The following SLC29A3 variants were observed in gnomAD, a reference collection of about 807,000 sequenced individuals.
SLC29A3 encodes the protein equilibrative nucleoside transporter 3.
SLC29A3 carries 18 observed loss-of-function variants against 25.4 expected under a neutral mutation model. That is an observed-to-expected ratio of 0.71 (90% confidence interval 0.49 to 1.05). The LOEUF (loss-of-function observed/expected upper bound fraction) is 1.05, where lower values mean the gene tolerates loss of function less well. Ranked by LOEUF, SLC29A3 falls within the 50% of genes least tolerant of loss-of-function variation. SLC29A3 has a pLI of 0.00. For synonymous variants in SLC29A3, 258 were observed against 267.1 expected, an observed-to-expected ratio of 0.97 and a Z score of 0.33; for missense variants, 586 against 609.0, an observed-to-expected ratio of 0.96 and a Z score of 0.40.
intron 2 of SLC29A3, among the ~76,000 whole-genome samples, chr10:71,338,217 A>G (rs1846304313): frequency 6.6e-6 from 1 of 152,198 alleles, no homozygotes. Flanking sequence ...AGCCTGCCCC[A>G]TGCTGCCCAC....
chr10:71,351,631 ACTGGTGAAGGTGGACACTTCCTC>A lies in SLC29A3; in HGVS notation c.458_480del (p.Val153AspfsTer65). On this transcript the variant is annotated frameshift_variant, in exon 4 of 6. Transcript: ENST00000373189. LOFTEE classifies it high-confidence loss of function. ...TGGCCATCTTCATGGTGATAACTGCACTGGTGAAGGTGGACACTTCCTCCTGGACCCGTGGCTTTTTTGCGGTC... is the reference window on the plus strand; with the variant it reads ...TGGCCATCTTCATGGTGATAACTGCACTGGACCCGTGGCTTTTTTGCGGTC... 6.2e-7 allele frequency: 1 copy of A among 1,614,160 alleles called. No homozygotes were observed.
At chr10:71,331,079 C>T (rs1485191357) in intron 2 of SLC29A3, among the ~76,000 whole-genome samples, 1 of 152,110 alleles carries the variant, frequency 6.6e-6, no homozygotes, top group African/African-American at 2.4e-5. Context: ...GCTGTCTCAC[C>T]TGGCAAGATA....
chr10:71,320,198 C>G (rs1376066226), intron 1 of SLC29A3, among the ~76,000 whole-genome samples: 4 of 152,310 alleles, frequency 2.6e-5, no homozygotes, highest in African/African-American at 9.6e-5. Flanking sequence ...TCCTGAGTGA[C>G]AGGGCTGGTG....
At chr10:71,356,874 T>C (rs1846927739) in intron 5 of SLC29A3, among the ~76,000 whole-genome samples, 1 of 152,176 alleles carries the variant, frequency 6.6e-6, no homozygotes, top group African/African-American at 2.4e-5. Context: ...CCTGTTCCTC[T>C]TAGAGTACAG....
intron 2 of SLC29A3, among the ~76,000 whole-genome samples, chr10:71,343,541 T>G (rs1846470929): frequency 6.6e-6 from 1 of 152,222 alleles, no homozygotes; most frequent in Non-Finnish European, 1.5e-5. Flanking sequence ...CTTCTGTAGC[T>G]GCTCTATCAA....
Position 71,362,798 on chromosome 10 carries a change from C to T in SLC29A3, c.*190C>T, listed in dbSNP as rs1489627449. ...GCCCATTCCGTGCAAGGCAGATATTCCAGTCATATTAACAGAACACTCCTG... is the reference window on the plus strand; with the variant it reads ...GCCCATTCCGTGCAAGGCAGATATTTCAGTCATATTAACAGAACACTCCTG... On this transcript the variant is annotated 3_prime_UTR_variant, in exon 6 of 6. Coordinates refer to ENST00000373189, the MANE Select transcript of SLC29A3 (RefSeq NM_018344.6). 1.4e-6 allele frequency: 1 copy of T among 738,540 alleles called. No individual in the cohort carries two copies. Among genetic ancestry groups the T allele is most frequent in the South Asian group, 1.5e-5 (1 of 67,510 alleles). 45.7% of individuals were successfully genotyped at this position (738,540 alleles called of 1,614,324 possible).
intron 2 of SLC29A3, among the ~76,000 whole-genome samples, chr10:71,336,220 A>T (rs1352939195): frequency 2.0e-5 from 3 of 151,834 alleles, no homozygotes; most frequent in Non-Finnish European, 4.4e-5. Flanking sequence ...TATACTGTGG[A>T]TTGAGGGGTC....
chr10:71,361,078 G>C (rs890890643), intron 5 of SLC29A3, among the ~76,000 whole-genome samples: 1 of 152,058 alleles, frequency 6.6e-6, no homozygotes, highest in Non-Finnish European at 1.5e-5. Flanking sequence ...AAATGTAACT[G>C]TGTGAGTGTT....
intron 2 of SLC29A3, among the ~76,000 whole-genome samples, chr10:71,333,105 G>A (rs550868245): frequency 6.6e-6 from 1 of 152,332 alleles, no homozygotes; most frequent in African/African-American, 2.4e-5. Flanking sequence ...TAACATGATT[G>A]ATATCACAAG....
chr10:71,327,307 C>T (rs1286006401), intron 2 of SLC29A3, among the ~76,000 whole-genome samples: 1 of 152,202 alleles, frequency 6.6e-6, no homozygotes. Context: ...CCTGCTCACT[C>T]TGCCCTCCTG....
intron 5 of SLC29A3, among the ~76,000 whole-genome samples, chr10:71,359,177 G>A (rs1207228095): frequency 6.6e-6 from 1 of 152,182 alleles, no homozygotes; most frequent in Non-Finnish European, 1.5e-5. Flanking sequence ...CCAAAGTGCT[G>A]GGATTGATTA....
intron 2 of SLC29A3, among the ~76,000 whole-genome samples, chr10:71,337,615 G>A (rs780278918): frequency 1.3e-5 from 2 of 152,204 alleles, no homozygotes; most frequent in African/African-American, 4.8e-5. Context: ...TCAGCAGCAC[G>A]GACACTGAGT....
At chr10:71,323,108 C>T in intron 2 of SLC29A3, 54 bp downstream of exon 2, 1 of 1,598,182 alleles carries the variant, frequency 6.3e-7, no homozygotes, top group Non-Finnish European at 8.6e-7. Context: ...GGCCTCATGC[C>T]TCACATGCAG....
intron 4 of SLC29A3, chr10:71,379,729 T>G (rs1020661738): frequency 1.3e-5 from 2 of 152,260 alleles, no homozygotes; most frequent in Non-Finnish European, 2.9e-5. Context: ...TTGAGATCTT[T>G]AAGCTAAATT....
chr10:71,376,417 T>C (rs2131860647), intron 4 of SLC29A3, among the ~76,000 whole-genome samples: 1 of 152,250 alleles, frequency 6.6e-6, no homozygotes, highest in South Asian at 2.1e-4. Flanking sequence ...CAAATCAAAT[T>C]CTTCCCTGAG....
chr10:71,337,438 C>T lies in SLC29A3; in HGVS notation c.301-6771C>T, dbSNP rs566113141. On this transcript the variant is annotated intron_variant, in intron 2 of 5. Transcript: ENST00000373189. ...AAACTATTCTTGGCTCCAACCTGCTCGCTGCTGCTAATTTCATGCCCCTGT... is the reference window on the plus strand; with the variant it reads ...AAACTATTCTTGGCTCCAACCTGCTTGCTGCTGCTAATTTCATGCCCCTGT... Among the ~76,000 whole-genome samples the T allele has an allele frequency of 7.9e-5, 12 of 152,364 alleles. No homozygotes were observed. The South Asian group carries it at 2.3e-3, about 29-fold the overall frequency.
intron 2 of SLC29A3, among the ~76,000 whole-genome samples, chr10:71,342,696 C>G (rs550424758): frequency 6.6e-6 from 1 of 152,236 alleles, no homozygotes; most frequent in Non-Finnish European, 1.5e-5. Context: ...TCCTCCCAGC[C>G]TCAGAGGCCC....
chr10:71,350,313 A>ATGTGTG (rs1846717454), intron 3 of SLC29A3, among the ~76,000 whole-genome samples: 2 of 55,810 alleles, frequency 3.6e-5, no homozygotes, highest in Admixed American at 1.9e-4. Context: ...TTTCACACCT[A>ATGTGTG]CGTGTGTGTG....
chr10:71,330,854 C>G (rs772448136), intron 2 of SLC29A3, among the ~76,000 whole-genome samples: 1 of 151,076 alleles, frequency 6.6e-6, no homozygotes, highest in Non-Finnish European at 1.5e-5. Flanking sequence ...TTTTCATGAT[C>G]TTTTGTTTGT....
Sources: allele counts gnomAD v4.1 joint callset (sites outside exome capture counted in the v4.1 genomes callset), GRCh38; gene constraint gnomAD v4.1.1; transcripts MANE v1.5; gene names NCBI Gene and HGNC (gene_info 2026-07-23, HGNC 2026-07-21).